The following INSR variants were observed in gnomAD, a reference collection of about 807,000 sequenced individuals.
INSR encodes the protein IR.
INSR carries 67 observed loss-of-function variants against 142.6 expected under a neutral mutation model. That is an observed-to-expected ratio of 0.47 (90% CI 0.39 to 0.58). INSR has a LOEUF of 0.58. Ranked by LOEUF, INSR falls within the 20% of genes least tolerant of loss-of-function variation. The pLI, the probability that INSR is intolerant of heterozygous loss-of-function variation, is 0.00. For missense variants in INSR, 1,248 were observed against 1,833.2 expected (o/e 0.68, Z 5.83); for synonymous variants, 756 against 743.1 (o/e 1.02, Z -0.28).
intron 4 of INSR, among the ~76,000 whole-genome samples, chr19:7,173,774 C>T (rs1274808587): frequency 6.6e-6 from 1 of 151,786 alleles, no homozygotes; most frequent in East Asian, 1.9e-4. Context: ...CACGCACCAC[C>T]AAGCCTGGCT....
At chr19:7,189,395 G>T (rs114880821) in intron 2 of INSR, among the ~76,000 whole-genome samples, 2,375 of 152,296 alleles carry the variant, frequency 0.016, 82 homozygotes, top group African/African-American at 0.054. Flanking sequence ...TAGCTGACAG[G>T]CCTATCTGAG....
chr19:7,155,299 C>A (rs1420035382), intron 9 of INSR, among the ~76,000 whole-genome samples: 2 of 152,108 alleles, frequency 1.3e-5, no homozygotes, highest in Non-Finnish European at 2.9e-5. Flanking sequence ...CTTTGGGAAG[C>A]CGAGGCAGGA....
intron 3 of INSR, among the ~76,000 whole-genome samples, chr19:7,176,160 A>C (rs1484757555): frequency 6.6e-6 from 1 of 152,090 alleles, no homozygotes; most frequent in African/African-American, 2.4e-5. Flanking sequence ...CCCAAATCTC[A>C]TGTCAAATTG....
chr19:7,184,145 T>A (rs1162507501), intron 3 of INSR, among the ~76,000 whole-genome samples, 171 bp downstream of exon 3: 2 of 149,692 alleles, frequency 1.3e-5, no homozygotes, highest in Non-Finnish European at 3.0e-5. Flanking sequence ...CAACTCCCAC[T>A]CCCAAGCCCA....
At chr19:7,188,707 C>T (rs1033342813) in intron 2 of INSR, among the ~76,000 whole-genome samples, 4 of 151,976 alleles carry the variant, frequency 2.6e-5, no homozygotes, top group African/African-American at 9.7e-5. Flanking sequence ...AAACCCGTCT[C>T]TACTAAAAAT....
At chr19:7,291,504 C>CA (rs989665704) in intron 1 of INSR, among the ~76,000 whole-genome samples, 18 of 152,190 alleles carry the variant, frequency 1.2e-4, no homozygotes, top group African/African-American at 4.3e-4. Context: ...CCAGTACACC[C>CA]AGGAACTCCA....
intron 3 of INSR, among the ~76,000 whole-genome samples, chr19:7,178,995 C>T (rs574622119): frequency 4.6e-5 from 7 of 152,310 alleles, no homozygotes; most frequent in African/African-American, 9.6e-5. Flanking sequence ...ACTGCAGCCT[C>T]GAACTCCTGG....
intron 2 of INSR, among the ~76,000 whole-genome samples, chr19:7,224,239 G>A (rs952492989): frequency 1.1e-4 from 11 of 95,770 alleles, no homozygotes; most frequent in Non-Finnish European, 1.6e-4. Flanking sequence ...ACCACACCAG[G>A]CCAATTTTTT....
intron 1 of INSR, among the ~76,000 whole-genome samples, chr19:7,280,785 C>T (rs1280403952): frequency 6.6e-6 from 1 of 151,234 alleles, no homozygotes; most frequent in African/African-American, 2.4e-5. Context: ...CCCAGCTACT[C>T]AGGAGGCTGA....
At position 7,122,951 on chromosome 19, in the gene INSR, C is replaced by T. The variant is rs781555854; in HGVS notation, c.3297G>A (p.Thr1099=). ...GAGCCATCAGCTCCATCACCACCAGCGTGGGCTGGCCCTTGGACACCACTC... is the reference window on the plus strand; with the variant it reads ...GAGCCATCAGCTCCATCACCACCAGTGTGGGCTGGCCCTTGGACACCACTC... The part of the protein sequence containing the change: ...LLGVVSKGQP[T]LVVMELMAHG... The change falls in exon 18 of 22, where the codon ACG becomes ACA. Residue 1099 remains threonine (T), a synonymous_variant. Transcript: ENST00000302850. 2.6e-5 allele frequency: 42 copies of T among 1,607,424 alleles called. No individual in the cohort carries two copies. Among genetic ancestry groups the T allele is most frequent in the Non-Finnish European group, 3.3e-5 (39 of 1,178,008 alleles).
Position 7,292,145 on chromosome 19 carries a change from C to A in INSR, c.100+1647G>T, listed in dbSNP as rs528757605. On this transcript the variant is annotated intron_variant, in intron 1 of 21. Coordinates refer to ENST00000302850, the MANE Select transcript of INSR (RefSeq NM_000208.4). ...CTCGCTCTTTGGCCAGGCTGGAGTGCAGTGGTGCCATCTGAGCTCACAGCA... is the reference window on the plus strand; with the variant it reads ...CTCGCTCTTTGGCCAGGCTGGAGTGAAGTGGTGCCATCTGAGCTCACAGCA... Among the ~76,000 whole-genome samples the A allele has an allele frequency of 2.5e-3, 375 of 150,206 alleles. 1 individual carries two copies. The highest frequency in any genetic ancestry group is 8.7e-3 in the African/African-American group (354 of 40,774).
At chr19:7,264,440 T>C (rs1162997388) in intron 2 of INSR, among the ~76,000 whole-genome samples, 1 of 152,166 alleles carries the variant, frequency 6.6e-6, no homozygotes, top group Admixed American at 6.5e-5. Context: ...CTAAAACAGA[T>C]ACAAAAATAA....
At chr19:7,275,306 G>A (rs1013033030) in intron 1 of INSR, among the ~76,000 whole-genome samples, 46 of 151,856 alleles carry the variant, frequency 3.0e-4, no homozygotes, top group Non-Finnish European at 5.9e-4. Context: ...CCTCCATTTG[G>A]TCCAGGGCTG....
intron 2 of INSR, among the ~76,000 whole-genome samples, chr19:7,191,184 C>T (rs184105070): frequency 2.0e-5 from 3 of 152,098 alleles, no homozygotes; most frequent in African/African-American, 4.8e-5. Flanking sequence ...GTAATCCCAG[C>T]TACTTGGGAG....
At chr19:7,161,760 GA>G (rs1973754394) in intron 9 of INSR, among the ~76,000 whole-genome samples, 1 of 152,132 alleles carries the variant, frequency 6.6e-6, no homozygotes, top group Non-Finnish European at 1.5e-5. Flanking sequence ...AGAGAACAAG[GA>G]AGGCAGGGAG....
intron 11 of INSR, among the ~76,000 whole-genome samples, chr19:7,148,474 A>ATTTTTTTTTTTT (rs1568445065): frequency 5.9e-5 from 3 of 50,832 alleles, no homozygotes; most frequent in African/African-American, 2.6e-4. Context: ...TTATGTATTT[A>ATTTTTTTTTTTT]TTCTTTTTTT....
At chr19:7,157,560 G>A (rs1973628794) in intron 9 of INSR, among the ~76,000 whole-genome samples, 1 of 150,570 alleles carries the variant, frequency 6.6e-6, no homozygotes, top group Non-Finnish European at 1.5e-5. Flanking sequence ...ATCGCACCCA[G>A]CCTACAATAC....
chr19:7,120,835 C>T, intron 19 of INSR, 86 bp from the exon 20 acceptor site: 1 of 1,560,382 alleles, frequency 6.4e-7, no homozygotes, highest in Non-Finnish European at 8.7e-7. Flanking sequence ...TCTCACAGAG[C>T]CCTAAGAGGG....
chr19:7,271,176 A>C (rs1967916234), intron 1 of INSR, among the ~76,000 whole-genome samples: 1 of 152,202 alleles, frequency 6.6e-6, no homozygotes, highest in African/African-American at 2.4e-5. Flanking sequence ...AAAACCAAAA[A>C]GAGTGACAAT....
Sources: allele counts gnomAD v4.1 joint callset (sites outside exome capture counted in the v4.1 genomes callset), GRCh38; gene constraint gnomAD v4.1.1; transcripts MANE v1.5; gene names NCBI Gene and HGNC (gene_info 2026-07-23, HGNC 2026-07-21).